SPTA1: variants seen among roughly 807,000 people sequenced by gnomAD.
The protein encoded by SPTA1 is spectrin alpha chain, erythrocytic 1.
A neutral mutation model predicts 324.7 loss-of-function variants in SPTA1; 177 were observed. That is an observed-to-expected ratio of 0.55 (90% CI 0.48 to 0.62). The LOEUF is 0.62. Ranked by LOEUF, SPTA1 falls within the 20% of genes least tolerant of loss-of-function variation. The probability of loss-of-function intolerance (pLI) is 0.00; values close to 1 mark genes in which losing one functional copy is unlikely to be tolerated. For missense variants in SPTA1, 3,162 were observed against 2,883.6 expected (o/e 1.10, Z -2.21); for synonymous variants, 1,195 against 1,041.3 (o/e 1.15, Z -2.84).
intron 20 of SPTA1, 151 bp from the exon 21 acceptor site, chr1:158,654,899 C>T: frequency 1.9e-6 from 2 of 1,040,918 alleles, no homozygotes; most frequent in South Asian, 1.5e-5. Context: ...AGTATGTGGT[C>T]TTCAGAGAGA....
intron 12 of SPTA1, among the ~76,000 whole-genome samples, 189 bp downstream of exon 12, chr1:158,671,154 T>C (rs1039652627): frequency 1.3e-5 from 2 of 152,168 alleles, no homozygotes; most frequent in Non-Finnish European, 2.9e-5. Context: ...TTTATGTTTA[T>C]AAAATTAAAG....
In SPTA1 at chr1:158,682,142, C is replaced by A. The variant is rs115431132; in HGVS notation, c.391-475G>T. On this transcript the variant is annotated intron_variant, in intron 3 of 51. Coordinates refer to ENST00000643759, the MANE Select transcript of SPTA1 (RefSeq NM_003126.4). ...TATAAGGAAATCATTGGCACCGAAA[C>A]AATAACAGTGTTTTGGGACTATACA... Among the ~76,000 whole-genome samples, 1,310 of 152,242 alleles carry A rather than the reference C, an allele frequency of 8.6e-3. 18 individuals are homozygous for A. The highest frequency in any genetic ancestry group is 0.029 in the African/African-American group (1,218 of 41,568).
chr1:158,617,394 A>G, intron 47 of SPTA1, 143 bp downstream of exon 47: 1 of 709,350 alleles, frequency 1.4e-6, no homozygotes, highest in Non-Finnish European at 2.6e-6. Context: ...TGAGGTTTAT[A>G]TTCATGATGT....
chr1:158,666,829 T>G (rs1653637237), intron 15 of SPTA1, among the ~76,000 whole-genome samples: 1 of 152,168 alleles, frequency 6.6e-6, no homozygotes, highest in African/African-American at 2.4e-5. Context: ...TCAAGGAAAT[T>G]CAAATCCAAA....
chr1:158,677,966 A>G, intron 6 of SPTA1, 132 bp from the exon 7 acceptor site: 1 of 1,105,480 alleles, frequency 9.0e-7, no homozygotes, highest in Admixed American at 2.1e-5. Context: ...ACATACTAGC[A>G]AAAAGTAATA....
chr1:158,639,470 C>G lies in SPTA1; in HGVS notation c.4980+112G>C, dbSNP rs921226603. The G allele has an allele frequency of 2.7e-6, 3 of 1,127,264 alleles. No individual in the cohort carries two copies. In the African/African-American group the frequency reaches 4.6e-5, roughly 17 times the overall value. The allele number at this position is 1,127,264 out of a possible 1,614,324, so 69.8% of individuals were successfully genotyped here. A position where few individuals can be genotyped will look rare whatever the true frequency, so the allele number is the denominator to read the frequency against. On this transcript the variant is annotated intron_variant, in intron 35 of 51. Transcript: ENST00000643759. ...TTAAAATGACTGCTGGTTGAGAACA[C>G]TAAGAACAATTTTGCAAGGCTATGT... is the stretch of plus-strand genomic sequence containing the variant.
intron 39 of SPTA1, among the ~76,000 whole-genome samples, chr1:158,633,521 C>T (rs190982439): frequency 1.2e-3 from 189 of 151,644 alleles, no homozygotes; most frequent in Middle Eastern, 0.01. Flanking sequence ...ATTAGCCTGG[C>T]GTGGTGGCAG....
chr1:158,611,524 C>A, intron 51 of SPTA1, 135 bp from the exon 52 acceptor site: 3 of 872,068 alleles, frequency 3.4e-6, no homozygotes, highest in Non-Finnish European at 5.2e-6. Flanking sequence ...CTATTACACA[C>A]AATTTTTATC....
intron 39 of SPTA1, among the ~76,000 whole-genome samples, chr1:158,632,792 G>T (rs1650776086): frequency 6.6e-6 from 1 of 150,920 alleles, no homozygotes; most frequent in South Asian, 2.1e-4. Flanking sequence ...AACTAAATAG[G>T]CAGTTACTAT....
intron 15 of SPTA1, among the ~76,000 whole-genome samples, chr1:158,667,541 T>C (rs1023963329): frequency 6.6e-6 from 1 of 152,144 alleles, no homozygotes; most frequent in African/African-American, 2.4e-5. Context: ...CAAAAATACT[T>C]GTTCAAGGGA....
intron 43 of SPTA1, among the ~76,000 whole-genome samples, chr1:158,620,984 CTA>C (rs1272218038): frequency 6.6e-6 from 1 of 152,030 alleles, no homozygotes; most frequent in Non-Finnish European, 1.5e-5. Flanking sequence ...TTTGACAAGG[CTA>C]TGTCATTTTC....
At chr1:158,643,482 T>G (rs1651767955) in intron 30 of SPTA1, 57 bp from the exon 31 acceptor site, 3 of 1,481,542 alleles carry the variant, frequency 2.0e-6, no homozygotes, top group Non-Finnish European at 2.8e-6. Context: ...CTTGGTGCAA[T>G]CCCAGACTCC....
At chr1:158,676,054 G>T in intron 8 of SPTA1, 87 bp downstream of exon 8, 1 of 1,570,822 alleles carries the variant, frequency 6.4e-7, no homozygotes, top group South Asian at 1.1e-5. Flanking sequence ...CTCGCTATTT[G>T]ACTCCCTTTA....
chr1:158,661,503 T>C, intron 17 of SPTA1, 94 bp from the exon 18 acceptor site: 1 of 1,545,174 alleles, frequency 6.5e-7, no homozygotes, highest in Non-Finnish European at 8.9e-7. Context: ...CACAGGTTCT[T>C]TCCTTTGAAG....
chr1:158,639,529 A>G (rs1651364425), intron 35 of SPTA1, 53 bp downstream of exon 35: 2 of 1,574,004 alleles, frequency 1.3e-6, no homozygotes, highest in African/African-American at 1.3e-5. Flanking sequence ...GAGGGAGAAG[A>G]GCCAGAAATA....
chr1:158,657,543 T>C lies in SPTA1; in HGVS notation c.2739A>G (p.Thr913=). The change falls in exon 19 of 52, where the codon ACA becomes ACG. Residue 913 remains threonine, a synonymous_variant. Coordinates refer to ENST00000643759, the MANE Select transcript of SPTA1 (RefSeq NM_003126.4). The part of the protein sequence containing the change: ...QYLADLHEAE[T]WIREKEPIVD... The stretch of plus-strand genomic sequence containing the variant: ...CAATAGGTTCCTTCTCTCTGATCCA[T>C]GTTTCTGCTTCATGCAGGTCAGCCA... 1 of 1,513,504 alleles carries C rather than the reference T, an allele frequency of 6.6e-7. No individual in the cohort carries two copies. The highest frequency in any genetic ancestry group is 9.0e-7 in the Non-Finnish European group (1 of 1,115,520). The allele number at this position is 1,513,504 out of a possible 1,614,324, so 93.8% of individuals were successfully genotyped here.
chr1:158,685,785 G>A (rs1314428164), intron 1 of SPTA1, among the ~76,000 whole-genome samples: 1 of 152,088 alleles, frequency 6.6e-6, no homozygotes, highest in African/African-American at 2.4e-5. Flanking sequence ...AATTAATTTA[G>A]TTAATGATAT....
At position 158,647,481 on chromosome 1, in the gene SPTA1, A is replaced by G. The variant is rs189061006; in HGVS notation, c.3896+58T>C. The G allele has an allele frequency of 3.0e-4, 483 of 1,605,142 alleles. No homozygotes were observed. In the African/African-American group the frequency reaches 5.6e-3, roughly 19 times the overall value. On this transcript the variant is annotated intron_variant, in intron 27 of 51. Coordinates refer to ENST00000643759, the MANE Select transcript of SPTA1 (RefSeq NM_003126.4). ...AGCAGTGAACAGCATCTGTACCCAG[A>G]CTGCTCCCAGACAGTCTACTTAGAG... is the stretch of plus-strand genomic sequence containing the variant.
intron 39 of SPTA1, among the ~76,000 whole-genome samples, chr1:158,632,923 C>T (rs905993728): frequency 6.6e-6 from 1 of 152,094 alleles, no homozygotes; most frequent in Non-Finnish European, 1.5e-5. Flanking sequence ...GTGGAAACAG[C>T]CCAGACTCCC....
Sources: allele counts gnomAD v4.1 joint callset (sites outside exome capture counted in the v4.1 genomes callset), GRCh38; gene constraint gnomAD v4.1.1; transcripts MANE v1.5; gene names NCBI Gene and HGNC (gene_info 2026-07-23, HGNC 2026-07-21).